The following TPO variants were observed in gnomAD, a reference collection of about 807,000 sequenced individuals.
TPO encodes the protein thyroid peroxidase.
Under a neutral mutation model 96.9 loss-of-function variants are expected in TPO, and 78 were observed. That is an observed-to-expected ratio of 0.81 (90% CI 0.67 to 0.97). TPO has a LOEUF of 0.97. Among genes scored for constraint, TPO ranks in the 50% least tolerant of loss-of-function variants. The pLI is 0.00. For synonymous variants in TPO, 547 were observed against 538.0 expected, an observed-to-expected ratio of 1.02 and a Z score of -0.23; for missense variants, 1,252 against 1,274.8, an observed-to-expected ratio of 0.98 and a Z score of 0.27.
chr2:1,496,361 G>GGGGCC (rs1427937835), intron 12 of TPO, among the ~76,000 whole-genome samples, 164 bp downstream of exon 12: 5 of 151,604 alleles, frequency 3.3e-5, no homozygotes, highest in African/African-American at 1.2e-4. Flanking sequence ...GGGGCGGGGC[G>GGGGCC]GGGCCCTTCT....
chr2:1,424,535 C>T (rs1336523120), intron 3 of TPO, among the ~76,000 whole-genome samples: 1 of 152,170 alleles, frequency 6.6e-6, no homozygotes, highest in African/African-American at 2.4e-5. Context: ...TTACAAATTG[C>T]ATGTTAACAG....
At chr2:1,422,030 G>A (rs1257414634) in intron 2 of TPO, among the ~76,000 whole-genome samples, 1 of 152,186 alleles carries the variant, frequency 6.6e-6, no homozygotes, top group African/African-American at 2.4e-5. Context: ...CACACCGGGG[G>A]GCTCTGTTCA....
intron 1 of TPO, among the ~76,000 whole-genome samples, chr2:1,405,473 CTCCA>C (rs1662237354): frequency 6.6e-6 from 1 of 151,694 alleles, no homozygotes; most frequent in African/African-American, 2.4e-5. Context: ...TGATCAGTTT[CTCCA>C]TCCATCCATC....
chr2:1,458,287 GAC>G (rs1668066391), intron 7 of TPO, among the ~76,000 whole-genome samples: 1 of 151,746 alleles, frequency 6.6e-6, no homozygotes, highest in African/African-American at 2.4e-5. Context: ...TAGCATATAA[GAC>G]AGTGTGTGGA....
chr2:1,412,443 G>C (rs374793900), upstream of TPO, among the ~76,000 whole-genome samples: 53 of 152,242 alleles, frequency 3.5e-4, no homozygotes, highest in East Asian at 5.0e-3. Flanking sequence ...ACTGTTGGCT[G>C]ATCTCCTCCC....
At chr2:1,489,979 CAG>C (rs1485435267) in intron 10 of TPO, among the ~76,000 whole-genome samples, 1 of 113,358 alleles carries the variant, frequency 8.8e-6, no homozygotes, top group East Asian at 2.5e-4. Flanking sequence ...GGGTCCCACA[CAG>C]GGGGAGTCAC....
chr2:1,402,240 C>T (rs9711204), intron 1 of TPO, among the ~76,000 whole-genome samples: 76,026 of 152,062 alleles, frequency 0.5, 19,138 homozygotes, highest in South Asian at 0.61. Context: ...CAGTGAGCTG[C>T]GGTCGGCATC....
intron 4 of TPO, among the ~76,000 whole-genome samples, chr2:1,434,086 A>G (rs996268391): frequency 3.3e-5 from 5 of 152,186 alleles, no homozygotes; most frequent in African/African-American, 1.2e-4. Flanking sequence ...AAATGAGGAC[A>G]GTGGCACTGC....
intron 15 of TPO, among the ~76,000 whole-genome samples, chr2:1,532,648 ACCC>A (rs1185850278): frequency 1.7e-4 from 7 of 40,080 alleles, no homozygotes; most frequent in Non-Finnish European, 2.9e-4. Context: ...ACCTCCCCAA[ACCC>A]CCCCAACTGT....
intron 5 of TPO, among the ~76,000 whole-genome samples, chr2:1,436,596 G>A (rs982310175): frequency 5.9e-5 from 9 of 152,092 alleles, no homozygotes; most frequent in African/African-American, 1.4e-4. Flanking sequence ...CAGCCACAAC[G>A]TCCCATCCAC....
At chr2:1,479,615 A>G (rs1670341967) in intron 8 of TPO, among the ~76,000 whole-genome samples, 1 of 152,142 alleles carries the variant, frequency 6.6e-6, no homozygotes, top group Admixed American at 6.5e-5. Flanking sequence ...GATTATTTAG[A>G]GGCGTGAATT....
intron 9 of TPO, 119 bp from the exon 10 acceptor site, chr2:1,487,702 T>C: frequency 7.3e-7 from 1 of 1,370,842 alleles, no homozygotes; most frequent in Non-Finnish European, 1.0e-6. Flanking sequence ...GCCACTGCAC[T>C]CCAGCCTGGG....
intron 15 of TPO, among the ~76,000 whole-genome samples, chr2:1,522,290 T>A (rs1161882281): frequency 2.0e-5 from 1 of 50,964 alleles, no homozygotes; most frequent in East Asian, 4.8e-4. Flanking sequence ...ACACCGGCCC[T>A]GCCACCTTGC....
intron 15 of TPO, among the ~76,000 whole-genome samples, chr2:1,523,088 C>T (rs1341770050): frequency 7.0e-6 from 1 of 142,294 alleles, no homozygotes. Context: ...CTGTGTGCAA[C>T]CTCCCCAAAT....
upstream of TPO, among the ~76,000 whole-genome samples, chr2:1,410,069 T>C (rs1662306943): frequency 6.6e-6 from 1 of 152,098 alleles, no homozygotes; most frequent in South Asian, 2.1e-4. Context: ...TGGGATCTAA[T>C]GTATAGCTTG....
At chr2:1,528,353 C>G (rs542000016) in intron 15 of TPO, among the ~76,000 whole-genome samples, 11 of 124,032 alleles carry the variant, frequency 8.9e-5, no homozygotes, top group African/African-American at 3.5e-4. Context: ...CCCCCCAAGT[C>G]CCCCCATTGT....
At chr2:1,398,217 T>G (rs1200623776) in intron 1 of TPO, among the ~76,000 whole-genome samples, 1 of 152,188 alleles carries the variant, frequency 6.6e-6, no homozygotes, top group Non-Finnish European at 1.5e-5. Context: ...CCATCAGTCC[T>G]AGGGGAACCA....
intron 5 of TPO, among the ~76,000 whole-genome samples, chr2:1,445,312 TTCC>T (rs1214237160): frequency 3.3e-5 from 3 of 91,670 alleles, no homozygotes; most frequent in African/African-American, 8.4e-5. Context: ...GGCAGGCTCC[TTCC>T]TGTTTGTATG....
chr2:1,484,918 A>C, intron 9 of TPO, 64 bp downstream of exon 9: 1 of 1,593,794 alleles, frequency 6.3e-7, no homozygotes, highest in South Asian at 1.1e-5. Context: ...TAATTTTTTT[A>C]AATTATATTT....
Sources: gnomAD v4.1 joint callset for allele counts (sites outside exome capture counted in the v4.1 genomes callset) on GRCh38, gnomAD v4.1.1 for gene constraint, MANE v1.5 for transcripts, NCBI Gene and HGNC (gene_info 2026-07-23, HGNC 2026-07-21) for gene names.